The following MYO1D variants were observed in gnomAD, a reference collection of about 807,000 sequenced individuals.
MYO1D encodes the protein unconventional myosin-Id.
MYO1D carries 83 observed loss-of-function variants against 122.0 expected under a neutral mutation model. That is an observed-to-expected ratio of 0.68 (90% confidence interval 0.57 to 0.82). MYO1D has a LOEUF of 0.82. Ranked by LOEUF, MYO1D falls within the 40% of genes least tolerant of loss-of-function variation. The pLI is 0.00. For missense variants in MYO1D, 1,157 were observed against 1,269.5 expected (o/e 0.91, Z 1.35); for synonymous variants, 464 against 446.9 (o/e 1.04, Z -0.48).
intron 21 of MYO1D, among the ~76,000 whole-genome samples, chr17:32,526,423 T>C (rs957367641): frequency 1.1e-4 from 17 of 152,212 alleles, no homozygotes; most frequent in African/African-American, 3.9e-4. Context: ...CCTTTGTCAG[T>C]TATGAGTTTG....
At chr17:32,614,960 C>T (rs2087753113) in intron 20 of MYO1D, among the ~76,000 whole-genome samples, 1 of 152,210 alleles carries the variant, frequency 6.6e-6, no homozygotes, top group Non-Finnish European at 1.5e-5. Flanking sequence ...CACCAAGTAA[C>T]CCCCACCTTC....
chr17:32,643,054 T>C (rs1169185810), intron 19 of MYO1D, among the ~76,000 whole-genome samples: 2 of 152,212 alleles, frequency 1.3e-5, no homozygotes, highest in Non-Finnish European at 2.9e-5. Flanking sequence ...ATATTGGCTG[T>C]GGTTTTGTCA....
intron 1 of MYO1D, among the ~76,000 whole-genome samples, chr17:32,843,720 G>C (rs562856417): frequency 6.6e-6 from 1 of 152,112 alleles, no homozygotes; most frequent in Non-Finnish European, 1.5e-5. Flanking sequence ...CTGTAATTTC[G>C]AAAGGACATA....
At chr17:32,720,170 G>C (rs1451078182) in intron 15 of MYO1D, among the ~76,000 whole-genome samples, 1 of 152,122 alleles carries the variant, frequency 6.6e-6, no homozygotes, top group Non-Finnish European at 1.5e-5. Context: ...TTTTAAAACA[G>C]ATGGAATTTA....
rs2087795923 is a variant in MYO1D at position 32,617,882 on chromosome 17, AT to A, written c.2710-12642del. ...TATAAACAGACAGTCACTTTCAAAA[AT>A]TTTTTGTTATTATTTTAACACATCA... On this transcript the variant is annotated intron_variant, in intron 20 of 21. Coordinates refer to ENST00000318217, the MANE Select transcript of MYO1D (RefSeq NM_015194.3). Among the ~76,000 whole-genome samples, 5 of 152,324 alleles carry A rather than the reference AT, an allele frequency of 3.3e-5. No homozygotes were observed. The South Asian group carries it at 8.3e-4, about 25-fold the overall frequency.
At chr17:32,851,407 A>G (rs922205229) in intron 1 of MYO1D, among the ~76,000 whole-genome samples, 1 of 152,182 alleles carries the variant, frequency 6.6e-6, no homozygotes, top group Non-Finnish European at 1.5e-5. Context: ...TCCCACAGAC[A>G]TGCCTAAGAC....
At chr17:32,711,148 G>C (rs1375559272) in intron 16 of MYO1D, among the ~76,000 whole-genome samples, 1 of 152,120 alleles carries the variant, frequency 6.6e-6, no homozygotes, top group African/African-American at 2.4e-5. Context: ...GAAGATATGG[G>C]AAAGGGTATG....
rs73280074 is a variant in MYO1D, at chr17:32,712,269, T to C, written c.1914-74A>G. On this transcript the variant is annotated intron_variant, in intron 15 of 21. Transcript: ENST00000318217. ...CTCAATAGAAAACTATTCAATAAAA[T>C]GCAAGACACCTCATAGAAAACCAAA... The C allele has an allele frequency of 7.5e-3, 10,069 of 1,348,570 alleles. 563 individuals carry two copies. The African/African-American group carries it at 0.13, about 17-fold the overall frequency. 83.5% of individuals were successfully genotyped at this position (1,348,570 alleles called of 1,614,324 possible). A position where few individuals can be genotyped will look rare whatever the true frequency, so the allele number is the denominator to read the frequency against.
chr17:32,798,306 G>A (rs908712780), intron 1 of MYO1D, among the ~76,000 whole-genome samples: 19 of 152,218 alleles, frequency 1.2e-4, no homozygotes, highest in African/African-American at 4.3e-4. Context: ...TCAGAAGTCT[G>A]TAACATCCAT....
chr17:32,727,018 T>C (rs549633707), intron 14 of MYO1D, among the ~76,000 whole-genome samples: 1 of 152,294 alleles, frequency 6.6e-6, no homozygotes, highest in African/African-American at 2.4e-5. Context: ...ACTATAACAG[T>C]ATTTAAGTAA....
intron 1 of MYO1D, among the ~76,000 whole-genome samples, chr17:32,846,330 C>T (rs2090937191): frequency 1.3e-5 from 2 of 152,314 alleles, no homozygotes; most frequent in East Asian, 3.9e-4. Flanking sequence ...ATCATGTGAT[C>T]ACACACAGGA....
intron 21 of MYO1D, among the ~76,000 whole-genome samples, chr17:32,550,941 T>G (rs1023131547): frequency 6.7e-6 from 1 of 150,002 alleles, no homozygotes; most frequent in Non-Finnish European, 1.5e-5. Context: ...TACCATTGCC[T>G]TCCAGCCCTA....
rs140310032 is a variant in MYO1D at position 32,765,489 on chromosome 17, G to A, written c.832-408C>T. Among the ~76,000 whole-genome samples the A allele has an allele frequency of 4.0e-5, 6 of 151,854 alleles. No individual in the cohort carries two copies. The East Asian group carries it at 5.8e-4, about 15-fold the overall frequency. ...TTATTTATTTTTGAGACAGAGTCTCGCTCTGTCGCCCAGGCTGGAGTGCAA... is the reference window on the plus strand; with the variant it reads ...TTATTTATTTTTGAGACAGAGTCTCACTCTGTCGCCCAGGCTGGAGTGCAA... On this transcript the variant is annotated intron_variant, in intron 7 of 21. Transcript: ENST00000318217.
chr17:32,837,651 A>G (rs890693348), intron 1 of MYO1D, among the ~76,000 whole-genome samples: 1 of 152,178 alleles, frequency 6.6e-6, no homozygotes, highest in African/African-American at 2.4e-5. Flanking sequence ...ACCATTTGGT[A>G]TTGATGCAGA....
At chr17:32,779,828 CAG>C (rs1429289928) in intron 2 of MYO1D, among the ~76,000 whole-genome samples, 1 of 152,032 alleles carries the variant, frequency 6.6e-6, no homozygotes, top group Non-Finnish European at 1.5e-5. Context: ...TTCTACATAC[CAG>C]AGAGTTGTTT....
At chr17:32,660,198 T>C (rs548396190) in intron 16 of MYO1D, among the ~76,000 whole-genome samples, 4 of 152,342 alleles carry the variant, frequency 2.6e-5, no homozygotes, top group Non-Finnish European at 2.9e-5. Flanking sequence ...ACAACCCTAG[T>C]TGCTTTCTTC....
At chr17:32,711,456 A>T (rs981526374) in intron 16 of MYO1D, among the ~76,000 whole-genome samples, 1 of 152,018 alleles carries the variant, frequency 6.6e-6, no homozygotes, top group Non-Finnish European at 1.5e-5. Context: ...GACCAGCCTG[A>T]CCAACATGGT....
At chr17:32,570,466 G>A (rs2087214234) in intron 21 of MYO1D, among the ~76,000 whole-genome samples, 2 of 151,938 alleles carry the variant, frequency 1.3e-5, no homozygotes, top group South Asian at 4.2e-4. Flanking sequence ...CCAGGTTCAT[G>A]CCATTCTCCT....
chr17:32,576,331 C>T (rs962798339), intron 21 of MYO1D, among the ~76,000 whole-genome samples: 1 of 152,162 alleles, frequency 6.6e-6, no homozygotes, highest in South Asian at 2.1e-4. Context: ...CAACAAAGGA[C>T]AGCATATTTA....
Sources: gnomAD v4.1 joint callset for allele counts (sites outside exome capture counted in the v4.1 genomes callset) on GRCh38, gnomAD v4.1.1 for gene constraint, MANE v1.5 for transcripts, NCBI Gene and HGNC (gene_info 2026-07-23, HGNC 2026-07-21) for gene names.